The following DEPDC5 variants were observed in gnomAD, a reference collection of about 807,000 sequenced individuals.
DEPDC5 encodes GATOR1 complex protein DEPDC5.
DEPDC5 carries 73 observed loss-of-function variants against 217.3 expected under a neutral mutation model. The ratio of observed to expected loss-of-function variants is 0.34; its 90% CI spans 0.28 to 0.41. The LOEUF (loss-of-function observed/expected upper bound fraction) is 0.41, where lower values mean the gene tolerates loss of function less well. Among genes scored for constraint, DEPDC5 ranks in the 10% least tolerant of loss-of-function variants. The pLI is 1.00. For missense variants in DEPDC5, 1,675 were observed against 2,070.1 expected (o/e 0.81, Z 3.70); for synonymous variants, 733 against 756.7 (o/e 0.97, Z 0.51).
At chr22:31,877,456 A>C (rs1265746403) in intron 37 of DEPDC5, among the ~76,000 whole-genome samples, 1 of 144,098 alleles carries the variant, frequency 6.9e-6, no homozygotes, top group Non-Finnish European at 1.5e-5. Flanking sequence ...AAAAAAAAAA[A>C]AAAAAAAAAA....
At chr22:31,821,662 A>G in intron 23 of DEPDC5, 25 bp downstream of exon 23, 1 of 1,605,052 alleles carries the variant, frequency 6.2e-7, no homozygotes, top group Non-Finnish European at 8.5e-7. Context: ...AGGGCTCTGG[A>G]AGGTAACCTG....
intron 41 of DEPDC5, 130 bp from the exon 42 acceptor site, chr22:31,905,854 G>A (rs771633441): frequency 1.3e-6 from 1 of 794,266 alleles, no homozygotes; most frequent in Non-Finnish European, 2.0e-6. Context: ...GCCTGCATGT[G>A]CAATCTGGAA....
At chr22:31,846,512 G>A (rs2091748696) in intron 30 of DEPDC5, among the ~76,000 whole-genome samples, 1 of 152,208 alleles carries the variant, frequency 6.6e-6, no homozygotes. Flanking sequence ...TCCAGCTCCA[G>A]TAGGATGTGG....
At position 31,815,385 on chromosome 22, in the gene DEPDC5, C is replaced by CT. The variant is rs10712869; in HGVS notation, c.1666+195dup. 0.029 allele frequency: 16,615 copies of CT among 568,724 alleles called. 14 individuals carry two copies. The highest frequency in any genetic ancestry group is 0.048 in the South Asian group (2,432 of 50,156). 35.2% of individuals were successfully genotyped at this position (568,724 alleles called of 1,614,324 possible). On this transcript the variant is annotated intron_variant, in intron 21 of 42. Coordinates refer to ENST00000651528, the MANE Select transcript of DEPDC5 (RefSeq NM_001242896.3). ...TGTTAGCTATGTATATATTATACTT[C>CT]TTTTTTTTTTTTTTTTTTTTTTGGT...
At chr22:31,902,912 G>T (rs1468451473) in intron 41 of DEPDC5, among the ~76,000 whole-genome samples, 1 of 152,008 alleles carries the variant, frequency 6.6e-6, no homozygotes, top group African/African-American at 2.4e-5. Context: ...TTGCCCTGCT[G>T]GCAGGATGTC....
At chr22:31,888,247 T>G (rs1005026228) in intron 38 of DEPDC5, among the ~76,000 whole-genome samples, 1 of 137,884 alleles carries the variant, frequency 7.3e-6, no homozygotes, top group Non-Finnish European at 1.6e-5. Context: ...GTGGTTTTTT[T>G]TTTTTTTTTT....
intron 30 of DEPDC5, among the ~76,000 whole-genome samples, chr22:31,845,772 T>G (rs1333920134): frequency 6.6e-6 from 1 of 152,020 alleles, no homozygotes; most frequent in African/African-American, 2.4e-5. Context: ...TGTGTATGTG[T>G]GTGTGTGTGT....
intron 14 of DEPDC5, among the ~76,000 whole-genome samples, chr22:31,800,626 C>T (rs1392437272): frequency 6.6e-6 from 1 of 151,910 alleles, no homozygotes; most frequent in Non-Finnish European, 1.5e-5. Flanking sequence ...TAAAAATCTA[C>T]TTAAAAAATA....
chr22:31,834,129 G>T (rs2090813093), intron 25 of DEPDC5, 149 bp downstream of exon 25: 1 of 792,540 alleles, frequency 1.3e-6, no homozygotes, highest in Non-Finnish European at 2.2e-6. Context: ...GGTGAGGGAG[G>T]ACTCTCTGGA....
intron 40 of DEPDC5, among the ~76,000 whole-genome samples, chr22:31,899,381 C>T (rs1413531296): frequency 6.6e-6 from 1 of 151,804 alleles, no homozygotes; most frequent in Non-Finnish European, 1.5e-5. Context: ...GTCTTTTTTG[C>T]TTTTTGCCCT....
chr22:31,828,913 G>T lies in DEPDC5; in HGVS notation c.2105-5002G>T, dbSNP rs116030759. 7.3e-3 allele frequency among the ~76,000 whole-genome samples: 1,113 copies of T among 152,292 alleles called. 8 individuals are homozygous for T. Among genetic ancestry groups the T allele is most frequent in the African/African-American group, 0.024 (983 of 41,554 alleles). On this transcript the variant is annotated intron_variant, in intron 24 of 42. Coordinates refer to ENST00000651528, the MANE Select transcript of DEPDC5 (RefSeq NM_001242896.3). The stretch of plus-strand genomic sequence containing the variant: ...CGATGAAAGGAAAGCCGTCTTGTGG[G>T]GGATTGAACTGTGAATGGTTTCAGT...
intron 24 of DEPDC5, among the ~76,000 whole-genome samples, chr22:31,829,663 T>G (rs1481457681): frequency 6.6e-6 from 1 of 152,278 alleles, no homozygotes; most frequent in East Asian, 1.9e-4. Context: ...ACATGATTCA[T>G]ATGTGAATCA....
intron 14 of DEPDC5, among the ~76,000 whole-genome samples, chr22:31,799,498 T>C (rs1242168344): frequency 6.8e-5 from 10 of 147,922 alleles, no homozygotes; most frequent in Admixed American, 2.1e-4. Flanking sequence ...TTTTTTTTTT[T>C]CTGGGATGGA....
Position 31,873,290 on chromosome 22 carries a change from C to A in DEPDC5, c.3521C>A (p.Ser1174Tyr). ...QQLVASSLTS[S>Y]STLTEILEAM... is the part of the protein sequence containing the mutation. ...CTGGTGGCAAGCTCCTTGACCTCAT[C>A]CTCTACCCTGACAGAGATCCTGGAA... The change falls in exon 35 of 43, where the codon TCC becomes TAC. Residue 1174 changes from serine to tyrosine, a missense_variant. This residue lies in a region of DEPDC5 where 194 missense variants were observed against 199.3 expected (regional missense o/e 0.97). Coordinates refer to ENST00000651528, the MANE Select transcript of DEPDC5 (RefSeq NM_001242896.3). 2 of 1,614,076 alleles carry A rather than the reference C, an allele frequency of 1.2e-6. No individual in the cohort carries two copies. The highest frequency in any genetic ancestry group is 1.7e-6 in the Non-Finnish European group (2 of 1,179,960).
At chr22:31,866,688 CCTTA>C (rs1319634393) in intron 33 of DEPDC5, among the ~76,000 whole-genome samples, 1 of 152,152 alleles carries the variant, frequency 6.6e-6, no homozygotes, top group East Asian at 1.9e-4. Context: ...CCAGCCCTTT[CCTTA>C]CTTTTTAAAA....
At chr22:31,897,732 G>A in intron 40 of DEPDC5, 79 bp downstream of exon 40, 3 of 1,520,056 alleles carry the variant, frequency 2.0e-6, no homozygotes, top group Non-Finnish European at 2.7e-6. Context: ...TGGGTATCCA[G>A]TCAACACGGA....
At chr22:31,824,639 A>G (rs1315849059) in intron 24 of DEPDC5, among the ~76,000 whole-genome samples, 2 of 152,058 alleles carry the variant, frequency 1.3e-5, no homozygotes, top group Non-Finnish European at 2.9e-5. Flanking sequence ...CTGTACTCAG[A>G]GGGCTGAAAA....
At chr22:31,861,281 T>C in intron 32 of DEPDC5, 87 bp from the exon 33 acceptor site, 2 of 1,234,448 alleles carry the variant, frequency 1.6e-6, no homozygotes, top group Non-Finnish European at 2.3e-6. Flanking sequence ...ACCTGTCTCC[T>C]TCCCCTGATG....
intron 38 of DEPDC5, among the ~76,000 whole-genome samples, chr22:31,881,835 A>G (rs2093184111): frequency 6.6e-6 from 1 of 151,792 alleles, no homozygotes. Flanking sequence ...AATCCCAGCT[A>G]CTCAGGAGGC....
Sources: gnomAD v4.1 joint callset for allele counts (sites outside exome capture counted in the v4.1 genomes callset) on GRCh38, gnomAD v4.1.1 for gene constraint, gnomAD v4.1.1 regional missense constraint, MANE v1.5 for transcripts, NCBI Gene and HGNC (gene_info 2026-07-23, HGNC 2026-07-21) for gene names.